The following LRPPRC variants were observed in gnomAD, a reference collection of about 807,000 sequenced individuals.
LRPPRC encodes the protein leucine rich pentatricopeptide repeat containing.
LRPPRC carries 120 observed loss-of-function variants against 180.3 expected under a neutral mutation model. The observed-to-expected ratio is 0.67, with a 90% CI of 0.57 to 0.77. The LOEUF is 0.77. LRPPRC is among the 30% of genes least tolerant of loss of function. The pLI is 0.00. For missense variants in LRPPRC, 2,012 were observed against 1,657.2 expected (o/e 1.21, Z -3.72); for synonymous variants, 723 against 600.0 (o/e 1.21, Z -3.00).
chr2:43,982,568 G>T (rs1386637768), intron 1 of LRPPRC, 134 bp from the exon 2 acceptor site: 1 of 669,330 alleles, frequency 1.5e-6, no homozygotes, highest in African/African-American at 1.8e-5. Context: ...ATAGAGGTAT[G>T]AACTAATGGG....
intron 23 of LRPPRC, among the ~76,000 whole-genome samples, chr2:43,935,665 TC>T (rs915306214): frequency 6.8e-6 from 1 of 147,206 alleles, no homozygotes; most frequent in Admixed American, 6.9e-5. Context: ...AGAAGTATTT[TC>T]CCCCCATAAA....
At chr2:43,995,657 G>T in intron 1 of LRPPRC, 142 bp downstream of exon 1, 1 of 762,138 alleles carries the variant, frequency 1.3e-6, no homozygotes, top group Non-Finnish European at 1.9e-6. Context: ...GGTAGGGAGC[G>T]TGGTGCGGAG....
At chr2:43,981,883 C>T (rs1479531278) in intron 2 of LRPPRC, among the ~76,000 whole-genome samples, 2 of 150,172 alleles carry the variant, frequency 1.3e-5, no homozygotes, top group African/African-American at 5.0e-5. Context: ...ACTGCAATTA[C>T]TTTTGCACCA....
chr2:43,889,142 C>T (rs1403687583), intron 37 of LRPPRC, among the ~76,000 whole-genome samples: 1 of 151,756 alleles, frequency 6.6e-6, no homozygotes, highest in African/African-American at 2.4e-5. Context: ...TGGTGAAACC[C>T]CATCTGTACT....
chr2:43,907,649 G>C (rs1164710455), intron 30 of LRPPRC, among the ~76,000 whole-genome samples: 2 of 152,196 alleles, frequency 1.3e-5, no homozygotes, highest in Non-Finnish European at 2.9e-5. Context: ...CATATGACTA[G>C]TGGTTACTGA....
intron 25 of LRPPRC, among the ~76,000 whole-genome samples, chr2:43,929,949 A>AAAAC (rs34536805): frequency 2.5e-3 from 379 of 150,324 alleles, no homozygotes; most frequent in Middle Eastern, 0.017. Context: ...GGACAAAACA[A>AAAAC]AAACAAACAA....
chr2:43,976,026 C>G (rs1674039323), intron 6 of LRPPRC, 117 bp downstream of exon 6: 1 of 667,226 alleles, frequency 1.5e-6, no homozygotes, highest in African/African-American at 1.8e-5. Flanking sequence ...TAAGAACTGT[C>G]TACAATAATT....
chr2:43,905,942 G>T (rs1671053705), intron 30 of LRPPRC, among the ~76,000 whole-genome samples, 162 bp from the exon 31 acceptor site: 1 of 152,152 alleles, frequency 6.6e-6, no homozygotes, highest in African/African-American at 2.4e-5. Context: ...CCTGTCAATG[G>T]TTATAGAAGG....
Position 43,960,620 on chromosome 2 carries a change from C to A in LRPPRC, c.1503G>T (p.Leu501=), listed in dbSNP as rs1673309525. The A allele has an allele frequency of 6.3e-7, 1 of 1,585,086 alleles. No individual in the cohort carries two copies. Among genetic ancestry groups the A allele is most frequent in the Non-Finnish European group, 8.7e-7 (1 of 1,155,260 alleles). ...CTTGAGAAAACATATCACTATCAGA[C>A]AGACATCCATTTTCCTGGAGATAAA... ...ARAILQENGC[L]SDSDMFSQAG... The change falls in exon 13 of 38, where the codon CTG becomes CTT. Residue 501 remains leucine (L), a synonymous_variant. Transcript: ENST00000260665.
At chr2:43,912,154 A>AC (rs1322252875) in intron 30 of LRPPRC, among the ~76,000 whole-genome samples, 2 of 152,240 alleles carry the variant, frequency 1.3e-5, no homozygotes, top group African/African-American at 4.8e-5. Flanking sequence ...ACAGAATATA[A>AC]TAAAATTACT....
Position 43,912,434 on chromosome 2 carries a change from T to C in LRPPRC, c.3273A>G (p.Ala1091=), listed in dbSNP as rs370130283. Reference sequence around the variant, plus strand: ...TTAATAAATGGACTAACACTTACAATGCTTTCACTTCCATTGCTTGTGTAA... The same window carrying C: ...TTAATAAATGGACTAACACTTACAACGCTTTCACTTCCATTGCTTGTGTAA... ...DYFTQAMEVK[A]FAETHIKGFT... is the part of the protein sequence containing the mutation. Residue 1091 remains alanine (A), a splice_region_variant and synonymous_variant, in exon 30 of 38, where the codon GCA becomes GCG. Coordinates refer to ENST00000260665, the MANE Select transcript of LRPPRC (RefSeq NM_133259.4). The C allele has an allele frequency of 5.0e-6, 8 of 1,609,990 alleles. No homozygotes were observed. The African/African-American group carries it at 8.0e-5, about 16-fold the overall frequency.
intron 1 of LRPPRC, among the ~76,000 whole-genome samples, chr2:43,985,780 C>T (rs930058217): frequency 6.6e-6 from 1 of 152,186 alleles, no homozygotes; most frequent in Non-Finnish European, 1.5e-5. Context: ...ATGAATAAAG[C>T]TGCTATAAGC....
At position 43,922,684 on chromosome 2, in the gene LRPPRC, G is replaced by A. The variant is rs150512933; in HGVS notation, c.2896+2383C>T. ...TGAGGCAAGAGAATGGCGTGAACCC[G>A]GGAGGCGGAGCTTGCAGTGAGCACC... is the stretch of plus-strand genomic sequence containing the variant. On this transcript the variant is annotated intron_variant, in intron 27 of 37. Coordinates refer to ENST00000260665, the MANE Select transcript of LRPPRC (RefSeq NM_133259.4). Among the ~76,000 whole-genome samples the A allele has an allele frequency of 7.6e-3, 1,157 of 152,210 alleles. 13 individuals carry two copies. Among genetic ancestry groups the A allele is most frequent in the African/African-American group, 0.025 (1,024 of 41,528 alleles).
chr2:43,903,562 G>A (rs1395004785), intron 31 of LRPPRC: 1 of 135,534 alleles, frequency 7.4e-6, no homozygotes, highest in Non-Finnish European at 1.6e-5. Context: ...TTGTGGTGAT[G>A]TGCTCAGGGA....
At chr2:43,985,413 G>C (rs1367658055) in intron 1 of LRPPRC, among the ~76,000 whole-genome samples, 1 of 152,116 alleles carries the variant, frequency 6.6e-6, no homozygotes, top group Non-Finnish European at 1.5e-5. Context: ...ACAAACATAT[G>C]ACATGTATCC....
At chr2:43,966,692 G>A (rs1415485461) in intron 11 of LRPPRC, among the ~76,000 whole-genome samples, 1 of 151,256 alleles carries the variant, frequency 6.6e-6, no homozygotes, top group Admixed American at 6.6e-5. Flanking sequence ...ACAGGCATGA[G>A]CCACCACGCC....
intron 12 of LRPPRC, 95 bp from the exon 13 acceptor site, chr2:43,960,729 A>G (rs1344694081): frequency 1.3e-6 from 1 of 763,570 alleles, no homozygotes; most frequent in Non-Finnish European, 2.4e-6. Flanking sequence ...GAATCACCAT[A>G]TTCTCTGATT....
At position 43,934,827 on chromosome 2, in the gene LRPPRC, A is replaced by G. The variant is rs1412259329; in HGVS notation, c.2556T>C (p.Tyr852=). ...LEVAIDCYEK[Y]KVLPRIHDVL... ...CATCATGAATCCTTGGTAATACTTT[A>G]TACTTTTCATAGCAGTCAATGGCGA... Residue 852 remains tyrosine, a synonymous_variant, in exon 24 of 38, where the codon TAT becomes TAC. Transcript: ENST00000260665. The G allele has an allele frequency of 1.9e-6, 3 of 1,612,396 alleles. No individual in the cohort carries two copies. The highest frequency in any genetic ancestry group is 2.5e-6 in the Non-Finnish European group (3 of 1,178,608).
chr2:43,899,712 A>G (rs558635891), intron 32 of LRPPRC, 107 bp from the exon 33 acceptor site: 14 of 715,628 alleles, frequency 2.0e-5, no homozygotes, highest in South Asian at 1.5e-4. Context: ...ATACTTTAGG[A>G]AAAAAATGAA....
Sources: allele counts gnomAD v4.1 joint callset (sites outside exome capture counted in the v4.1 genomes callset), GRCh38; gene constraint gnomAD v4.1.1; transcripts MANE v1.5; gene names NCBI Gene and HGNC (gene_info 2026-07-23, HGNC 2026-07-21).